GALNT14: variants seen among roughly 807,000 people sequenced by gnomAD.
GALNT14 encodes the protein UDP-GalNAc:polypeptide N-acetylgalactosaminyltransferase 14.
A neutral mutation model predicts 77.5 loss-of-function variants in GALNT14; 60 were observed. That is an observed-to-expected ratio of 0.77 (90% CI 0.63 to 0.96). The LOEUF is 0.96. Ranked by LOEUF, GALNT14 falls within the 40% of genes least tolerant of loss-of-function variation. The pLI is 0.00. For missense variants in GALNT14, 710 were observed against 731.0 expected, an observed-to-expected ratio of 0.97 and a Z score of 0.33; for synonymous variants, 280 against 281.7, an observed-to-expected ratio of 0.99 and a Z score of 0.06.
At chr2:31,107,834 G>A (rs187634300) in intron 1 of GALNT14, among the ~76,000 whole-genome samples, 2 of 152,156 alleles carry the variant, frequency 1.3e-5, no homozygotes, top group South Asian at 4.1e-4. Context: ...TGGTGCTGAT[G>A]ATTTCACCTC....
intron 1 of GALNT14, among the ~76,000 whole-genome samples, chr2:31,112,816 C>T (rs992520783): frequency 1.3e-5 from 2 of 152,186 alleles, no homozygotes; most frequent in Admixed American, 1.3e-4. Context: ...ACCAAGTCCT[C>T]CTTTCTCATG....
chr2:31,128,841 TA>T (rs1279109122), intron 1 of GALNT14, among the ~76,000 whole-genome samples: 1 of 152,150 alleles, frequency 6.6e-6, no homozygotes, highest in Admixed American at 6.5e-5. Context: ...AAGCATGGGT[TA>T]AACTTGGCCT....
chr2:31,027,416 TCAAAA>T (rs1482655134), intron 1 of GALNT14, among the ~76,000 whole-genome samples: 1 of 104,530 alleles, frequency 9.6e-6, no homozygotes, highest in Non-Finnish European at 1.9e-5. Flanking sequence ...AAACTCCAAC[TCAAAA>T]CAAAGCAAAA....
chr2:31,092,970 C>T (rs1455655812), intron 1 of GALNT14, among the ~76,000 whole-genome samples: 1 of 152,188 alleles, frequency 6.6e-6, no homozygotes, highest in African/African-American at 2.4e-5. Context: ...CAAGGGTAGG[C>T]TCCTGGATGC....
At chr2:31,113,819 G>C (rs988857106) in intron 1 of GALNT14, among the ~76,000 whole-genome samples, 1 of 152,148 alleles carries the variant, frequency 6.6e-6, no homozygotes, top group African/African-American at 2.4e-5. Context: ...AGAGGGAGGT[G>C]GGGGGAAAGT....
At chr2:31,099,408 AT>A (rs201512127) in intron 1 of GALNT14, among the ~76,000 whole-genome samples, 2 of 151,582 alleles carry the variant, frequency 1.3e-5, no homozygotes, top group Non-Finnish European at 2.9e-5. Context: ...TACTTAGAAG[AT>A]TTTTTTCCTT....
intron 1 of GALNT14, among the ~76,000 whole-genome samples, chr2:31,012,815 C>T (rs1010314965): frequency 9.2e-5 from 14 of 152,000 alleles, no homozygotes; most frequent in African/African-American, 3.1e-4. Flanking sequence ...AACAAAAACC[C>T]CAGTCTAAAT....
the GALNT14 span, among the ~76,000 whole-genome samples, chr2:30,898,453 C>T: frequency 6.6e-6 from 1 of 152,164 alleles, no homozygotes; most frequent in Non-Finnish European, 1.5e-5. Flanking sequence ...TGGCTCTGTA[C>T]TGAGAACCTC....
At chr2:30,966,590 T>A (rs887072588) in intron 2 of GALNT14, among the ~76,000 whole-genome samples, 2 of 152,208 alleles carry the variant, frequency 1.3e-5, no homozygotes, top group Non-Finnish European at 2.9e-5. Flanking sequence ...ATTTCTTGCA[T>A]GCCTGAGCCA....
intron 6 of GALNT14, among the ~76,000 whole-genome samples, chr2:30,950,002 A>G (rs1666931840): frequency 6.6e-6 from 1 of 152,244 alleles, no homozygotes; most frequent in Admixed American, 6.5e-5. Flanking sequence ...CATCTAGAAT[A>G]TGTGTGACCT....
chr2:30,912,344 T>C lies in GALNT14; in HGVS notation c.1381-2A>G. On this transcript the variant is annotated splice_acceptor_variant, in intron 13 of 14. Transcript: ENST00000349752. LOFTEE classifies it high-confidence loss of function. ...CTGGGTGTATGTGAAGGCCCATACCTGGGGAGAAAGAGACCAGGAAGGTTT... is the reference window on the plus strand; with the variant it reads ...CTGGGTGTATGTGAAGGCCCATACCCGGGGAGAAAGAGACCAGGAAGGTTT... 6.2e-7 allele frequency: 1 copy of C among 1,613,642 alleles called. No individual in the cohort carries two copies. Among genetic ancestry groups the C allele is most frequent in the African/African-American group, 1.3e-5 (1 of 74,998 alleles).
chr2:30,999,837 C>T (rs1670250947), intron 1 of GALNT14, among the ~76,000 whole-genome samples: 1 of 152,168 alleles, frequency 6.6e-6, no homozygotes, highest in African/African-American at 2.4e-5. Flanking sequence ...TGGTGTGGAG[C>T]CTGGCACAGT....
At chr2:31,100,437 T>C (rs6718085) in intron 1 of GALNT14, among the ~76,000 whole-genome samples, 81,043 of 151,838 alleles carry the variant, frequency 0.53, 22,279 homozygotes, top group African/African-American at 0.64. Context: ...TATGGAATTC[T>C]TTTATTGTTT....
intron 2 of GALNT14, among the ~76,000 whole-genome samples, chr2:30,978,670 A>G (rs1398805405): frequency 6.6e-6 from 1 of 152,086 alleles, no homozygotes; most frequent in East Asian, 1.9e-4. Context: ...TGCACTCCCA[A>G]TCCCTGATAT....
downstream of GALNT14, among the ~76,000 whole-genome samples, chr2:30,908,217 C>T (rs1190480452): frequency 7.1e-4 from 108 of 151,274 alleles, 2 homozygotes; most frequent in East Asian, 0.02. Flanking sequence ...CCAGGGCAAT[C>T]AGGCAGGAGA....
intron 1 of GALNT14, among the ~76,000 whole-genome samples, chr2:31,015,453 C>A (rs144936761): frequency 2.0e-5 from 3 of 152,290 alleles, no homozygotes; most frequent in Admixed American, 2.0e-4. Context: ...TCCGGAAAAT[C>A]TGCCTCCATC....
chr2:31,052,717 G>C (rs1237303911), intron 1 of GALNT14, among the ~76,000 whole-genome samples: 2 of 152,166 alleles, frequency 1.3e-5, no homozygotes, highest in African/African-American at 4.8e-5. Context: ...AGAAATCCAG[G>C]GCCTCTTTGG....
chr2:31,088,147 G>A (rs1253795151), intron 1 of GALNT14, among the ~76,000 whole-genome samples: 2 of 152,180 alleles, frequency 1.3e-5, no homozygotes, highest in African/African-American at 2.4e-5. Context: ...GAAAAAAGAG[G>A]GGCACAGGTA....
chr2:30,889,258 T>C, the GALNT14 span, among the ~76,000 whole-genome samples: 1 of 152,224 alleles, frequency 6.6e-6, no homozygotes, highest in Non-Finnish European at 1.5e-5. Flanking sequence ...TTGTAACTAA[T>C]GATCAGAAAT....
Sources: allele counts gnomAD v4.1 joint callset (sites outside exome capture counted in the v4.1 genomes callset), GRCh38; gene constraint gnomAD v4.1.1; transcripts MANE v1.5; gene names NCBI Gene and HGNC (gene_info 2026-07-23, HGNC 2026-07-21).